The following TLR2 variants were observed in gnomAD, a reference collection of about 807,000 sequenced individuals.
TLR2 encodes toll like receptor 2, also known as toll-like receptor 2.
In TLR2, 7 loss-of-function variants were observed where a neutral mutation model predicts 9.1. That is an observed-to-expected ratio of 0.77 (90% confidence interval 0.44 to 1.44). The LOEUF is 1.44. Ranked by LOEUF, TLR2 falls within the 40% of genes most tolerant of loss-of-function variation. The pLI, the probability that TLR2 is intolerant of heterozygous loss-of-function variation, is 0.01. For synonymous variants in TLR2, 317 were observed against 344.6 expected (o/e 0.92, Z 0.89); for missense variants, 812 against 904.6 (o/e 0.90, Z 1.31).
At position 153,702,905 on chromosome 4, in the gene TLR2, A is replaced by G. The variant is rs1737009693; in HGVS notation, c.-3A>G. ...TTTTATTTGTAGGTTGAAGCACTGG[A>G]CAATGCCACATACTTTGTGGATGGT... On this transcript the variant is annotated 5_prime_UTR_variant, in exon 3 of 3. Coordinates refer to ENST00000642700, the MANE Select transcript of TLR2 (RefSeq NM_001318789.2). 1 of 1,602,568 alleles carries G rather than the reference A, an allele frequency of 6.2e-7. No homozygotes were observed. Among genetic ancestry groups the G allele is most frequent in the Non-Finnish European group, 8.5e-7 (1 of 1,173,510 alleles).
rs1246099403 is a variant in TLR2, at chr4:153,704,252, C to T, written c.1345C>T (p.His449Tyr). ...TTTGAACTTATCCAGCACACGAATA[C>T]ACAGTGTAACAGGCTGCATTCCCAA... Reference protein sequence around the residue: ...KYLNLSSTRIHSVTGCIPKTL... With the variant: ...KYLNLSSTRIYSVTGCIPKTL... Residue 449 changes from histidine (H) to tyrosine (Y), a missense_variant, in exon 3 of 3, where the codon CAC (histidine) becomes TAC (tyrosine). His to Tyr is a moderately conservative substitution (Grantham distance 83, BLOSUM62 2). Coordinates refer to ENST00000642700, the MANE Select transcript of TLR2 (RefSeq NM_001318789.2). The T allele has an allele frequency of 6.2e-7, 1 of 1,614,052 alleles. No individual in the cohort carries two copies. Among genetic ancestry groups the T allele is most frequent in the Non-Finnish European group, 8.5e-7 (1 of 1,180,038 alleles).
intron 2 of TLR2, among the ~76,000 whole-genome samples, chr4:153,688,903 T>C (rs1234339253): frequency 1.3e-5 from 2 of 152,174 alleles, no homozygotes; most frequent in Admixed American, 6.5e-5. Flanking sequence ...TGCAAAGCAA[T>C]AAAAGCAAAG....
At chr4:153,689,763 G>A (rs570426514) in intron 2 of TLR2, among the ~76,000 whole-genome samples, 4 of 152,264 alleles carry the variant, frequency 2.6e-5, no homozygotes, top group Non-Finnish European at 4.4e-5. Context: ...AATACTAATG[G>A]CAATGGTGAT....
At chr4:153,707,281 A>G (rs919945116), downstream of TLR2, among the ~76,000 whole-genome samples, 5 of 152,118 alleles carry the variant, frequency 3.3e-5, no homozygotes, top group Non-Finnish European at 7.4e-5. Context: ...AAAAAAAATC[A>G]GGCTTGGTGT....
chr4:153,686,079 A>G (rs928644667), intron 1 of TLR2, among the ~76,000 whole-genome samples: 5 of 152,136 alleles, frequency 3.3e-5, no homozygotes, highest in African/African-American at 1.2e-4. Context: ...CTCACAATAA[A>G]CTGCTCCCTT....
At chr4:153,701,268 G>A (rs1428761629) in intron 2 of TLR2, among the ~76,000 whole-genome samples, 1 of 152,150 alleles carries the variant, frequency 6.6e-6, no homozygotes, top group Non-Finnish European at 1.5e-5. Flanking sequence ...CTTTCCTCAG[G>A]TATGGGATTA....
chr4:153,690,682 G>T (rs1736048252), intron 2 of TLR2, among the ~76,000 whole-genome samples: 1 of 152,240 alleles, frequency 6.6e-6, no homozygotes, highest in Non-Finnish European at 1.5e-5. Flanking sequence ...GCACCATTTG[G>T]CAAGTTGGGC....
chr4:153,704,907 A>G lies in TLR2; in HGVS notation c.2000A>G (p.Asn667Ser), dbSNP rs1737225918. ...ATGGTCCAGGAGCTGGAGAACTTCA[A>G]TCCCCCCTTCAAGTTGTGTCTTCAT... Reference protein sequence around the residue: ...NLMVQELENFNPPFKLCLHKR... With the variant: ...NLMVQELENFSPPFKLCLHKR... Residue 667 changes from asparagine to serine, a missense_variant, in exon 3 of 3, where the codon AAT becomes AGT. Physicochemically the swap from Asn to Ser is conservative, Grantham distance 46. Coordinates refer to ENST00000642700, the MANE Select transcript of TLR2 (RefSeq NM_001318789.2). 3 of 1,613,080 alleles carry G rather than the reference A, an allele frequency of 1.9e-6. No homozygotes were observed. Among genetic ancestry groups the G allele is most frequent in the African/African-American group, 1.3e-5 (1 of 74,806 alleles).
downstream of TLR2, among the ~76,000 whole-genome samples, chr4:153,707,491 A>C (rs533991571): frequency 6.6e-6 from 1 of 151,046 alleles, no homozygotes; most frequent in African/African-American, 2.4e-5. Context: ...TCCAGGCTGC[A>C]GTGAGCTGTG....
chr4:153,695,989 T>C (rs1736467799), intron 2 of TLR2, among the ~76,000 whole-genome samples: 1 of 152,178 alleles, frequency 6.6e-6, no homozygotes, highest in Non-Finnish European at 1.5e-5. Flanking sequence ...ACTGTAGATG[T>C]GTGGATTTGT....
chr4:153,705,456 GT>G lies in TLR2; in HGVS notation c.*199del, dbSNP rs1288329565. ...AAACATATGCCAGATTTAAAAATTG[GT>G]TTTTGGTTTTTCTTTTTTCTATGAG... On this transcript the variant is annotated 3_prime_UTR_variant, in exon 3 of 3. Coordinates refer to ENST00000642700, the MANE Select transcript of TLR2 (RefSeq NM_001318789.2). 3.7e-6 allele frequency: 2 copies of G among 536,800 alleles called. No homozygotes were observed. Among genetic ancestry groups the G allele is most frequent in the African/African-American group, 3.9e-5 (2 of 50,674 alleles). The allele number at this position is 536,800 out of a possible 1,614,324, so 33.3% of individuals were successfully genotyped here.
intron 1 of TLR2, among the ~76,000 whole-genome samples, 194 bp downstream of exon 1, chr4:153,684,554 G>T (rs2127001303): frequency 6.6e-6 from 1 of 152,334 alleles, no homozygotes; most frequent in East Asian, 1.9e-4. Flanking sequence ...GGACGCCGGT[G>T]CTTCTTTGCA....
intron 2 of TLR2, among the ~76,000 whole-genome samples, chr4:153,690,011 G>T (rs1322506582): frequency 4.6e-5 from 7 of 152,316 alleles, no homozygotes; most frequent in African/African-American, 1.7e-4. Flanking sequence ...TCATGATAAG[G>T]TTTCAGGTGT....
At chr4:153,702,761 TTTGTGTGTGTGTGTGTGTGTGTG>T in intron 2 of TLR2, 108 bp from the exon 3 acceptor site, 16 of 541,030 alleles carry the variant, frequency 3.0e-5, no homozygotes, top group East Asian at 1.0e-4. Flanking sequence ...TCTCTCTCTC[TTTGTGTGTGTGTGTGTGTGTGTG>T]TGTGTGTGTG....
chr4:153,704,897 G>C lies in TLR2; in HGVS notation c.1990G>C (p.Glu664Gln), dbSNP rs1471907829. The change falls in exon 3 of 3, where the codon GAG (glutamate) becomes CAG (glutamine). Residue 664 changes from glutamate (E) to glutamine (Q), a missense_variant. Glu to Gln is a conservative substitution (Grantham distance 29). Coordinates refer to ENST00000642700, the MANE Select transcript of TLR2 (RefSeq NM_001318789.2). ...WVENLMVQEL[E>Q]NFNPPFKLCL... ...GGAGAACCTTATGGTCCAGGAGCTG[G>C]AGAACTTCAATCCCCCCTTCAAGTT... The C allele has an allele frequency of 1.2e-6, 2 of 1,613,484 alleles. No individual in the cohort carries two copies. Among genetic ancestry groups the C allele is most frequent in the Non-Finnish European group, 8.5e-7 (1 of 1,180,014 alleles).
intron 1 of TLR2, among the ~76,000 whole-genome samples, chr4:153,686,253 C>T (rs1181254425): frequency 6.6e-6 from 1 of 152,124 alleles, no homozygotes; most frequent in Admixed American, 6.6e-5. Context: ...AACAAAAATT[C>T]CACCTCTCAA....
chr4:153,687,781 T>G (rs1735815893), intron 1 of TLR2, 121 bp from the exon 2 acceptor site: 1 of 152,244 alleles, frequency 6.6e-6, no homozygotes, highest in Non-Finnish European at 1.5e-5. Flanking sequence ...GTGTTTGGCC[T>G]ATAAAAGCTC....
chr4:153,704,799 C>A lies in TLR2; in HGVS notation c.1892C>A (p.Pro631His), dbSNP rs5743704. 55,869 of 1,613,762 alleles carry A rather than the reference C, an allele frequency of 0.035. 1,139 individuals carry two copies. The highest frequency in any genetic ancestry group is 0.04 in the Non-Finnish European group (47,055 of 1,179,916). ...GCCTGGCTCCAGGCCAAAAGGAAGCCCAGGAAAGCTCCCAGCAGGAACATC... is the reference window on the plus strand; with the variant it reads ...GCCTGGCTCCAGGCCAAAAGGAAGCACAGGAAAGCTCCCAGCAGGAACATC... ...MWAWLQAKRK[P>H]RKAPSRNICY... The change falls in exon 3 of 3, where the codon CCC (proline) becomes CAC (histidine). Residue 631 changes from proline to histidine, a missense_variant. By Grantham distance (77) the Pro-to-His change is moderately conservative (BLOSUM62 -2). Coordinates refer to ENST00000642700, the MANE Select transcript of TLR2 (RefSeq NM_001318789.2).
rs775959707 is a variant in TLR2, at chr4:153,704,310, A to G, written c.1403A>G (p.Asn468Ser). The change falls in exon 3 of 3, where the codon AAT (asparagine) becomes AGT (serine). Residue 468 changes from asparagine (N) to serine (S), a missense_variant. By Grantham distance (46) the Asn-to-Ser change is conservative. Transcript: ENST00000642700. Reference protein sequence around the residue: ...TLEILDVSNNNLNLFSLNLPQ... With the variant: ...TLEILDVSNNSLNLFSLNLPQ... ...GAAATTTTAGATGTTAGCAACAACA[A>G]TCTCAATTTATTTTCTTTGAATTTG... is the stretch of plus-strand genomic sequence containing the variant. 3 of 1,613,784 alleles carry G rather than the reference A, an allele frequency of 1.9e-6. No individual in the cohort carries two copies. Among genetic ancestry groups the G allele is most frequent in the Non-Finnish European group, 1.7e-6 (2 of 1,179,950 alleles).
Sources: allele counts gnomAD v4.1 joint callset (sites outside exome capture counted in the v4.1 genomes callset), GRCh38; gene constraint gnomAD v4.1.1; transcripts MANE v1.5; gene names NCBI Gene and HGNC (gene_info 2026-07-23, HGNC 2026-07-21).